NOL4: variants seen among roughly 807,000 people sequenced by gnomAD.
NOL4 encodes the protein nucleolar protein 4.
A neutral mutation model predicts 75.9 loss-of-function variants in NOL4; 17 were observed. That is an observed-to-expected ratio of 0.22 (90% CI 0.15 to 0.34). The LOEUF (loss-of-function observed/expected upper bound fraction) is 0.34. NOL4 is among the 10% of genes least tolerant of loss of function. The probability of loss-of-function intolerance (pLI) is 1.00; values close to 1 mark genes in which losing one functional copy is unlikely to be tolerated. For synonymous variants in NOL4, 292 were observed against 289.9 expected (o/e 1.01, Z -0.07); for missense variants, 614 against 793.5 (o/e 0.77, Z 2.72).
intron 1 of NOL4, among the ~76,000 whole-genome samples, chr18:34,180,152 GC>G (rs2033914177): frequency 6.6e-6 from 1 of 151,470 alleles, no homozygotes; most frequent in Non-Finnish European, 1.5e-5. Flanking sequence ...GCAAGTATTA[GC>G]CTTATCCCAA....
intron 6 of NOL4, among the ~76,000 whole-genome samples, chr18:33,980,164 TAGAG>T (rs1333362774): frequency 3.3e-5 from 5 of 151,962 alleles, no homozygotes; most frequent in African/African-American, 4.8e-5. Flanking sequence ...AACAGGTAGA[TAGAG>T]AGAATCACAA....
chr18:34,038,288 G>A (rs2075998766), intron 5 of NOL4, among the ~76,000 whole-genome samples: 1 of 152,044 alleles, frequency 6.6e-6, no homozygotes, highest in Non-Finnish European at 1.5e-5. Flanking sequence ...CATATTGTTG[G>A]TGGGAATGTA....
At chr18:33,991,984 G>A (rs1163827024) in intron 6 of NOL4, among the ~76,000 whole-genome samples, 5 of 148,036 alleles carry the variant, frequency 3.4e-5, no homozygotes, top group Non-Finnish European at 7.4e-5. Flanking sequence ...TAAAGTTACA[G>A]ATTCAGAGGT....
In NOL4 at chr18:34,028,249, T is replaced by C. The variant is rs527812965; in HGVS notation, c.773-8648A>G. The stretch of plus-strand genomic sequence containing the variant: ...CTTGGATAAAGCGCAGTAGATTCTA[T>C]TTTGAAAATCCTTGTTTCTTTACTT... On this transcript the variant is annotated intron_variant, in intron 5 of 10. Coordinates refer to ENST00000261592, the MANE Select transcript of NOL4 (RefSeq NM_003787.5). Among the ~76,000 whole-genome samples, 79 of 152,340 alleles carry C rather than the reference T, an allele frequency of 5.2e-4. No homozygotes were observed. In the South Asian group the frequency reaches 0.016, roughly 31 times the overall value.
chr18:34,131,238 C>T (rs768037389), intron 1 of NOL4, among the ~76,000 whole-genome samples: 5 of 152,008 alleles, frequency 3.3e-5, no homozygotes, highest in Admixed American at 6.6e-5. Context: ...TGAACAGTAA[C>T]CCCAGCAGAC....
chr18:34,109,584 T>G (rs9807175), intron 2 of NOL4, among the ~76,000 whole-genome samples: 94,492 of 151,584 alleles, frequency 0.62, 31,557 homozygotes, highest in East Asian at 0.96. Flanking sequence ...AGATCTCAAA[T>G]AACCTAGCTT....
chr18:34,143,365 TAA>T (rs2081266333), intron 1 of NOL4, among the ~76,000 whole-genome samples: 1 of 152,206 alleles, frequency 6.6e-6, no homozygotes, highest in Non-Finnish European at 1.5e-5. Context: ...AAACTTCATA[TAA>T]GTGACCAATT....
At chr18:34,054,028 A>G (rs1025612402) in intron 5 of NOL4, among the ~76,000 whole-genome samples, 5 of 151,954 alleles carry the variant, frequency 3.3e-5, no homozygotes, top group Non-Finnish European at 7.4e-5. Context: ...AAATTCACAT[A>G]CTTGTAAGTG....
At chr18:33,903,535 C>T (rs533490575) in intron 9 of NOL4, among the ~76,000 whole-genome samples, 3 of 152,226 alleles carry the variant, frequency 2.0e-5, no homozygotes, top group African/African-American at 2.4e-5. Context: ...TTATCTGACA[C>T]CAAACTCAAG....
chr18:34,160,685 A>C (rs570394193), intron 1 of NOL4, among the ~76,000 whole-genome samples: 1 of 152,306 alleles, frequency 6.6e-6, no homozygotes, highest in South Asian at 2.1e-4. Context: ...GTTTTAAAAA[A>C]TTTTAATTGG....
intron 5 of NOL4, among the ~76,000 whole-genome samples, chr18:34,091,033 A>T (rs2078492308): frequency 6.6e-6 from 1 of 151,896 alleles, no homozygotes; most frequent in Non-Finnish European, 1.5e-5. Context: ...TCATCTGATG[A>T]ATAGGATTAG....
intron 6 of NOL4, among the ~76,000 whole-genome samples, chr18:33,974,153 C>T (rs1433446132): frequency 2.0e-5 from 3 of 152,162 alleles, no homozygotes; most frequent in Admixed American, 6.5e-5. Context: ...CATCAGCATT[C>T]GTTGCTTTAC....
At chr18:33,948,185 C>G (rs1187085084) in intron 8 of NOL4, among the ~76,000 whole-genome samples, 1 of 151,886 alleles carries the variant, frequency 6.6e-6, no homozygotes, top group Non-Finnish European at 1.5e-5. Context: ...TAGTTAAGGC[C>G]AGATTGGGAG....
At chr18:34,138,980 T>C (rs1306931893) in intron 1 of NOL4, among the ~76,000 whole-genome samples, 1 of 152,196 alleles carries the variant, frequency 6.6e-6, no homozygotes, top group Non-Finnish European at 1.5e-5. Flanking sequence ...GGATTACATT[T>C]ATTGATTTGC....
chr18:33,989,117 G>A (rs935499197), intron 6 of NOL4, among the ~76,000 whole-genome samples: 2 of 146,586 alleles, frequency 1.4e-5, no homozygotes, highest in Non-Finnish European at 3.0e-5. Flanking sequence ...GAGCCCAGGA[G>A]GTCGAGGCTG....
intron 9 of NOL4, among the ~76,000 whole-genome samples, chr18:33,887,711 T>C (rs1465662109): frequency 6.6e-6 from 1 of 152,098 alleles, no homozygotes; most frequent in Non-Finnish European, 1.5e-5. Flanking sequence ...AGAATGATGG[T>C]TTCCAGCTTC....
At chr18:34,145,079 C>T (rs929815457) in intron 1 of NOL4, among the ~76,000 whole-genome samples, 5 of 152,020 alleles carry the variant, frequency 3.3e-5, no homozygotes, top group Non-Finnish European at 7.4e-5. Context: ...GACAAGAACA[C>T]TGTTATATTG....
intron 9 of NOL4, among the ~76,000 whole-genome samples, chr18:33,938,925 C>T (rs892302645): frequency 6.6e-6 from 1 of 152,080 alleles, no homozygotes; most frequent in African/African-American, 2.4e-5. Flanking sequence ...ACGTTTAAGT[C>T]TCTAGTCCAT....
At chr18:33,859,515 G>A (rs968205319) in intron 10 of NOL4, among the ~76,000 whole-genome samples, 2 of 152,042 alleles carry the variant, frequency 1.3e-5, no homozygotes, top group African/African-American at 4.8e-5. Flanking sequence ...AAAACTCTAT[G>A]GCTATCATTA....
Sources: allele counts gnomAD v4.1 joint callset (sites outside exome capture counted in the v4.1 genomes callset), GRCh38; gene constraint gnomAD v4.1.1; transcripts MANE v1.5; gene names NCBI Gene and HGNC (gene_info 2026-07-23, HGNC 2026-07-21).